CCDC188: variants seen among roughly 807,000 people sequenced by gnomAD.
CCDC188 encodes the protein coiled-coil domain containing 188, also known as coiled-coil domain-containing protein 188.
In CCDC188, 37 loss-of-function variants were observed where a neutral mutation model predicts 50.7. The ratio of observed to expected loss-of-function variants is 0.73; its 90% CI spans 0.56 to 0.96. The LOEUF is 0.96. Among genes scored for constraint, CCDC188 ranks in the 40% least tolerant of loss-of-function variants. The pLI, the probability that CCDC188 is intolerant of heterozygous loss-of-function variation, is 0.00. For synonymous variants in CCDC188, 208 were observed against 228.0 expected (o/e 0.91, Z 0.79); for missense variants, 453 against 512.9 (o/e 0.88, Z 1.13).
At position 20,150,631 on chromosome 22, in the gene CCDC188, C is replaced by G; in HGVS notation, c.356G>C (p.Gly119Ala). ...TCTGGTCCCTGAGCCAATGGATCCC[C>G]CCTGCCTGGGAGCCCCCTGGTTCGA... ...PGSNQGAPRQGGSIGSGTRPC... is the reference protein window; with the variant it reads ...PGSNQGAPRQAGSIGSGTRPC... The change falls in exon 1 of 9, where the codon GGG becomes GCG. Residue 119 changes from glycine (G) to alanine (A), a missense_variant. By Grantham distance (60) the Gly-to-Ala change is moderately conservative (BLOSUM62 0). Coordinates refer to ENST00000439765, the MANE Select transcript of CCDC188 (RefSeq NM_001365892.2). 6.5e-7 allele frequency: 1 copy of G among 1,543,624 alleles called. No individual in the cohort carries two copies. The highest frequency in any genetic ancestry group is 8.8e-7 in the Non-Finnish European group (1 of 1,141,968).
intron 8 of CCDC188, 31 bp downstream of exon 8, chr22:20,148,844 G>A: frequency 1.4e-6 from 2 of 1,464,080 alleles, no homozygotes; most frequent in Non-Finnish European, 9.1e-7. Flanking sequence ...CGGGGGGCCT[G>A]GGGGCTGGGC....
In CCDC188 at chr22:20,150,654, C is replaced by G. The variant is rs1040331494; in HGVS notation, c.333G>C (p.Ser111=). Residue 111 remains serine, a synonymous_variant, in exon 1 of 9, where the codon TCG becomes TCC. Coordinates refer to ENST00000439765, the MANE Select transcript of CCDC188 (RefSeq NM_001365892.2). ...LGWGWPLHPG[S]NQGAPRQGGS... The stretch of plus-strand genomic sequence containing the variant: ...CCCCCTGCCTGGGAGCCCCCTGGTT[C>G]GACCCTGGGTGCAGGGGCCAGCCCC... The G allele has an allele frequency of 1.5e-5, 23 of 1,545,970 alleles. No homozygotes were observed. Among genetic ancestry groups the G allele is most frequent in the African/African-American group, 2.7e-5 (2 of 72,946 alleles).
rs1275915075 is a variant in CCDC188 at position 20,150,589 on chromosome 22, G to T, written c.398C>A (p.Pro133His). ...CAGGGCCCCTCCCTCCCGTGACAGGGGTGGGCATGGGCAGGGTCTGGTCCC... is the reference window on the plus strand; with the variant it reads ...CAGGGCCCCTCCCTCCCGTGACAGGTGTGGGCATGGGCAGGGTCTGGTCCC... ...GSGTRPCPCP[P>H]LSREGGALAS... The change falls in exon 1 of 9, where the codon CCC (proline) becomes CAC (histidine). Residue 133 changes from proline to histidine, a missense_variant. Coordinates refer to ENST00000439765, the MANE Select transcript of CCDC188 (RefSeq NM_001365892.2). 1 of 1,546,804 alleles carries T rather than the reference G, an allele frequency of 6.5e-7. No homozygotes were observed. The highest frequency in any genetic ancestry group is 1.2e-5 in the South Asian group (1 of 83,830).
chr22:20,150,865 G>A lies in CCDC188; in HGVS notation c.122C>T (p.Pro41Leu). The A allele has an allele frequency of 6.0e-6, 9 of 1,511,806 alleles. No homozygotes were observed. The highest frequency in any genetic ancestry group is 8.0e-6 in the Non-Finnish European group (9 of 1,121,260). The allele number at this position is 1,511,806 out of a possible 1,614,324, so 93.6% of individuals were successfully genotyped here. Residue 41 changes from proline (P) to leucine (L), a missense_variant, in exon 1 of 9, where the codon CCC becomes CTC. By Grantham distance (98) the Pro-to-Leu change is moderately conservative. Transcript: ENST00000439765. Reference protein sequence around the residue: ...DQPCQGFVGWPCLGPISSAHS... With the variant: ...DQPCQGFVGWLCLGPISSAHS... ...AGCAGAGGAGATGGGGCCCAGGCAG[G>A]GCCACCCTACAAATCCCTGGCAGGG...
rs551076009 is a variant in CCDC188, at chr22:20,149,176, G to C, written c.972+11C>G. 70 of 1,464,712 alleles carry C rather than the reference G, an allele frequency of 4.8e-5. No individual in the cohort carries two copies. The East Asian group carries it at 8.7e-4, about 18-fold the overall frequency. 90.7% of individuals were successfully genotyped at this position (1,464,712 alleles called of 1,614,324 possible). A position where few individuals can be genotyped will look rare whatever the true frequency, so the allele number is the denominator to read the frequency against. ...GGTCTCCAGACCCAGAGTGGGGCGT[G>C]GGGGGCTCACCGACATGCTTGCCAT... On this transcript the variant is annotated intron_variant, in intron 7 of 8. Transcript: ENST00000439765.
At position 20,149,615 on chromosome 22, in the gene CCDC188, T is replaced by C; in HGVS notation, c.815A>G (p.His272Arg). 1 of 1,550,156 alleles carries C rather than the reference T, an allele frequency of 6.5e-7. No homozygotes were observed. The highest frequency in any genetic ancestry group is 8.7e-7 in the Non-Finnish European group (1 of 1,146,882). The change falls in exon 5 of 9, where the codon CAC becomes CGC. Residue 272 changes from histidine to arginine, a missense_variant. By Grantham distance (29) the His-to-Arg change is conservative. Transcript: ENST00000439765. ...TEVWDNVAEM[H>R]MALNNQATGL... ...GGTGGCCTGGTTGTTCAGGGCCATG[T>C]GCATCTCAGCCACGTTGTCCCACAC...
Position 20,150,177 on chromosome 22 carries a change from C to A in CCDC188, c.593G>T (p.Cys198Phe). The change falls in exon 2 of 9, where the codon TGT (cysteine) becomes TTT (phenylalanine). Residue 198 changes from cysteine (C) to phenylalanine (F), a missense_variant. Physicochemically the swap from Cys to Phe is radical, Grantham distance 205. Transcript: ENST00000439765. ...LGPGQQFLPL[C>F]PEHSSCTALA... ...AGCAGTGCAGCTTGAGTGTTCGGGA[C>A]ACAGGGGCAGGAACTGCTGCCCCGG... The A allele has an allele frequency of 6.5e-7, 1 of 1,548,614 alleles. No individual in the cohort carries two copies. Among genetic ancestry groups the A allele is most frequent in the Non-Finnish European group, 8.7e-7 (1 of 1,145,992 alleles).
At position 20,149,402 on chromosome 22, in the gene CCDC188, C is replaced by T; in HGVS notation, c.914+10G>A. On this transcript the variant is annotated intron_variant, in intron 6 of 8. Transcript: ENST00000439765. ...CTGCTCAGCTGGCCCGGCCCCTGCCCCCGTGTTACCTGAGAATCTCCAGCT... is the reference window on the plus strand; with the variant it reads ...CTGCTCAGCTGGCCCGGCCCCTGCCTCCGTGTTACCTGAGAATCTCCAGCT... 6.5e-7 allele frequency: 1 copy of T among 1,550,238 alleles called. No homozygotes were observed. Among genetic ancestry groups the T allele is most frequent in the Non-Finnish European group, 8.7e-7 (1 of 1,146,874 alleles).
At chr22:20,149,535 G>A (rs960086869) in intron 5 of CCDC188, 46 bp downstream of exon 5, 31 of 1,549,872 alleles carry the variant, frequency 2.0e-5, no homozygotes, top group Admixed American at 3.9e-5. Flanking sequence ...GTGGCCTCTC[G>A]CCCGCCGGGC....
At position 20,150,755 on chromosome 22, in the gene CCDC188, A is replaced by G. The variant is rs1023962788; in HGVS notation, c.232T>C (p.Phe78Leu). The change falls in exon 1 of 9, where the codon TTT becomes CTT. Residue 78 changes from phenylalanine to leucine, a missense_variant. Phe to Leu is a conservative substitution (Grantham distance 22, BLOSUM62 0). Transcript: ENST00000439765. ...GCTCTCTGCTCCTGGCTGGACAGAA[A>G]GAGCCCGGGAGCCTCGCCCTCCACT... is the stretch of plus-strand genomic sequence containing the variant. ...PTVEGEAPGL[F>L]LSSQEQRARD... 7 of 1,550,048 alleles carry G rather than the reference A, an allele frequency of 4.5e-6. No individual in the cohort carries two copies. The highest frequency in any genetic ancestry group is 6.1e-6 in the Non-Finnish European group (7 of 1,146,794).
chr22:20,149,235 G>A lies in CCDC188; in HGVS notation c.924C>T (p.Ala308=). The change falls in exon 7 of 9, where the codon GCC becomes GCT. Residue 308 remains alanine (A), a synonymous_variant. Coordinates refer to ENST00000439765, the MANE Select transcript of CCDC188 (RefSeq NM_001365892.2). ...DIQLEILRER[A]QCRTRARKEK... is the part of the protein sequence containing the mutation. ...CCTTCCTGGCTCGAGTGCGGCACTGGGCCCGCTCCCTGCGGGGGCCTCACT... is the reference window on the plus strand; with the variant it reads ...CCTTCCTGGCTCGAGTGCGGCACTGAGCCCGCTCCCTGCGGGGGCCTCACT... The A allele has an allele frequency of 6.7e-7, 1 of 1,492,056 alleles. No individual in the cohort carries two copies. Among genetic ancestry groups the A allele is most frequent in the East Asian group, 2.5e-5 (1 of 40,416 alleles). The allele number at this position is 1,492,056 out of a possible 1,614,324, so 92.4% of individuals were successfully genotyped here. A position where few individuals can be genotyped will look rare whatever the true frequency, so the allele number is the denominator to read the frequency against.
At position 20,149,251 on chromosome 22, in the gene CCDC188, G is replaced by A. The variant is rs1362324455; in HGVS notation, c.915-7C>T. The A allele has an allele frequency of 7.3e-6, 11 of 1,499,448 alleles. No homozygotes were observed. Among genetic ancestry groups the A allele is most frequent in the South Asian group, 1.3e-5 (1 of 75,644 alleles). The allele number at this position is 1,499,448 out of a possible 1,614,324, so 92.9% of individuals were successfully genotyped here. ...GCGGCACTGGGCCCGCTCCCTGCGG[G>A]GGCCTCACTGTCAGGACCCCACACC... On this transcript the variant is annotated splice_polypyrimidine_tract_variant and splice_region_variant and intron_variant, in intron 6 of 8. Coordinates refer to ENST00000439765, the MANE Select transcript of CCDC188 (RefSeq NM_001365892.2).
Position 20,148,477 on chromosome 22 carries a change from C to G in CCDC188, c.*137G>C. 1 of 1,381,830 alleles carries G rather than the reference C, an allele frequency of 7.2e-7. No homozygotes were observed. Among genetic ancestry groups the G allele is most frequent in the Non-Finnish European group, 9.3e-7 (1 of 1,071,832 alleles). 85.6% of individuals were successfully genotyped at this position (1,381,830 alleles called of 1,614,324 possible). A position where few individuals can be genotyped will look rare whatever the true frequency, so the allele number is the denominator to read the frequency against. Reference sequence around the variant, plus strand: ...ACAGGCCCAGCCCTCAGGACAGACCCCACCTCCACCCTTCTCTGCAGCTTC... The same window carrying G: ...ACAGGCCCAGCCCTCAGGACAGACCGCACCTCCACCCTTCTCTGCAGCTTC... On this transcript the variant is annotated 3_prime_UTR_variant, in exon 9 of 9. Transcript: ENST00000439765.
chr22:20,149,399 G>C lies in CCDC188; in HGVS notation c.914+13C>G, dbSNP rs979315845. On this transcript the variant is annotated intron_variant, in intron 6 of 8. Transcript: ENST00000439765. ...ACCCTGCTCAGCTGGCCCGGCCCCT[G>C]CCCCCGTGTTACCTGAGAATCTCCA... The C allele has an allele frequency of 3.0e-5, 47 of 1,550,124 alleles. No homozygotes were observed. The African/African-American group carries it at 6.4e-4, about 21-fold the overall frequency.
chr22:20,150,466 A>C lies in CCDC188; in HGVS notation c.519+2T>G, dbSNP rs765554897. The C allele has an allele frequency of 6.5e-7, 1 of 1,528,348 alleles. No homozygotes were observed. The highest frequency in any genetic ancestry group is 1.4e-5 in the African/African-American group (1 of 71,766). The allele number at this position is 1,528,348 out of a possible 1,614,324, so 94.7% of individuals were successfully genotyped here. ...GGCTGGGGCGGTGGGTGGGGTGCTC[A>C]CCAGGCTGTGGTTCTCCTGCTCCAG... On this transcript the variant is annotated splice_donor_variant, in intron 1 of 8. Transcript: ENST00000439765. LOFTEE classifies it high-confidence loss of function.
chr22:20,150,388 GT>G, intron 1 of CCDC188, 79 bp downstream of exon 1: 2 of 1,302,682 alleles, frequency 1.5e-6, no homozygotes, highest in Non-Finnish European at 2.1e-6. Context: ...CAGGTGGTGG[GT>G]GGGGCTGGGG....
chr22:20,148,845 G>A lies in CCDC188; in HGVS notation c.1022+30C>T, dbSNP rs1436033619. ...GGGGCAGGGGCGCGCGGGGGGCCTG[G>A]GGGCTGGGCTCTGCCGTGCAGTCAC... On this transcript the variant is annotated intron_variant, in intron 8 of 8. Transcript: ENST00000439765. The A allele has an allele frequency of 2.0e-6, 3 of 1,465,954 alleles. No homozygotes were observed. The South Asian group carries it at 4.1e-5, about 20-fold the overall frequency. The allele number at this position is 1,465,954 out of a possible 1,614,324, so 90.8% of individuals were successfully genotyped here. A position where few individuals can be genotyped will look rare whatever the true frequency, so the allele number is the denominator to read the frequency against.
chr22:20,148,874 C>T lies in CCDC188; in HGVS notation c.1022+1G>A, dbSNP rs1264972661. 6.6e-6 allele frequency: 10 copies of T among 1,505,938 alleles called. No individual in the cohort carries two copies. Among genetic ancestry groups the T allele is most frequent in the African/African-American group, 5.6e-5 (4 of 71,222 alleles). The allele number at this position is 1,505,938 out of a possible 1,614,324, so 93.3% of individuals were successfully genotyped here. A position where few individuals can be genotyped will look rare whatever the true frequency, so the allele number is the denominator to read the frequency against. Reference sequence around the variant, plus strand: ...CTGGGCTCTGCCGTGCAGTCACCTACCAGAGCTGGCCTGCCAGGCCCTTGG... The same window carrying T: ...CTGGGCTCTGCCGTGCAGTCACCTATCAGAGCTGGCCTGCCAGGCCCTTGG... On this transcript the variant is annotated splice_donor_variant, in intron 8 of 8. Transcript: ENST00000439765. LOFTEE classifies it high-confidence loss of function.
rs1310556404 is a variant in CCDC188 at position 20,148,646 on chromosome 22, G to T, written c.1177C>A (p.Arg393Ser). The T allele has an allele frequency of 4.5e-6, 7 of 1,547,124 alleles. No homozygotes were observed. In the Admixed American group the frequency reaches 5.9e-5, roughly 13 times the overall value. Residue 393 changes from arginine (R) to serine (S), a missense_variant, in exon 9 of 9, where the codon CGC becomes AGC. Coordinates refer to ENST00000439765, the MANE Select transcript of CCDC188 (RefSeq NM_001365892.2). ...GGCAGGAAGCCGTCCACTTTGAGGC[G>T]CAGGAAGGGGTCCAGCAGGGCCCGG... The part of the protein sequence containing the change: ...KLRALLDPFL[R>S]LKVDGFLPF
Sources: gnomAD v4.1 joint callset for allele counts on GRCh38, gnomAD v4.1.1 for gene constraint, MANE v1.5 for transcripts, NCBI Gene and HGNC (gene_info 2026-07-23, HGNC 2026-07-21) for gene names.